The following OSBPL9 variants were observed in gnomAD, a reference collection of about 807,000 sequenced individuals.
OSBPL9 encodes oxysterol binding protein like 9.
In OSBPL9, 40 loss-of-function variants were observed where a neutral mutation model predicts 106.6. The observed-to-expected ratio is 0.38, with a 90% CI of 0.29 to 0.49. The LOEUF (loss-of-function observed/expected upper bound fraction) is 0.49. Ranked by LOEUF, OSBPL9 falls within the 20% of genes least tolerant of loss-of-function variation. The pLI is 0.97. For synonymous variants in OSBPL9, 269 were observed against 295.4 expected, an observed-to-expected ratio of 0.91 and a Z score of 0.92; for missense variants, 609 against 887.2, an observed-to-expected ratio of 0.69 and a Z score of 3.98.
At chr1:51,530,184 A>AAAAAAAAAC in the OSBPL9 span, among the ~76,000 whole-genome samples, 1 of 103,406 alleles carries the variant, frequency 9.7e-6, no homozygotes, top group Non-Finnish European at 2.0e-5. Context: ...AAAAAAAAAA[A>AAAAAAAAAC]AAAAAAAACA....
intron 3 of OSBPL9, among the ~76,000 whole-genome samples, chr1:51,683,793 A>C (rs79178173): frequency 9.2e-6 from 1 of 108,572 alleles, no homozygotes; most frequent in Non-Finnish European, 2.0e-5. Context: ...ACTCTGTCTC[A>C]AAAAAAAAAG....
At chr1:51,632,193 TATC>T (rs1472014185) in intron 1 of OSBPL9, among the ~76,000 whole-genome samples, 6 of 152,304 alleles carry the variant, frequency 3.9e-5, no homozygotes, top group Admixed American at 3.9e-4. Context: ...ATGTACTTAT[TATC>T]AAGTATTATG....
intron 4 of OSBPL9, 143 bp downstream of exon 4, chr1:51,714,222 G>A (rs1660627519): frequency 5.3e-6 from 3 of 570,742 alleles, no homozygotes. Flanking sequence ...TTCCTTTACA[G>A]TTATAGTAAA....
chr1:51,610,806 G>A (rs918663473), intron 2 of OSBPL9, among the ~76,000 whole-genome samples: 5 of 152,212 alleles, frequency 3.3e-5, no homozygotes, highest in African/African-American at 4.8e-5. Context: ...GATTGCCTGC[G>A]GCTTTGTGTT....
At chr1:51,668,957 T>C (rs946970755) in intron 2 of OSBPL9, among the ~76,000 whole-genome samples, 4 of 152,104 alleles carry the variant, frequency 2.6e-5, no homozygotes, top group African/African-American at 9.7e-5. Context: ...GAAGAAGGGG[T>C]TGGGACAGTG....
At chr1:51,518,881 G>A in the OSBPL9 span, among the ~76,000 whole-genome samples, 4 of 151,670 alleles carry the variant, frequency 2.6e-5, no homozygotes, top group Admixed American at 2.6e-4. Flanking sequence ...TGCCCCGCGG[G>A]AGCCGGCCCG....
chr1:51,718,742 G>A (rs530973843), intron 4 of OSBPL9, among the ~76,000 whole-genome samples: 10 of 152,302 alleles, frequency 6.6e-5, no homozygotes, highest in African/African-American at 2.2e-4. Context: ...AATCCTCACA[G>A]TAGACTGTTT....
At chr1:51,680,217 T>G (rs1571022364) in intron 3 of OSBPL9, among the ~76,000 whole-genome samples, 1 of 151,876 alleles carries the variant, frequency 6.6e-6, no homozygotes, top group African/African-American at 2.4e-5. Context: ...ATCTTGTCAC[T>G]GCACTCCAGC....
intron 3 of OSBPL9, among the ~76,000 whole-genome samples, chr1:51,693,000 T>A (rs1354866472): frequency 6.6e-6 from 1 of 152,116 alleles, no homozygotes; most frequent in Non-Finnish European, 1.5e-5. Context: ...GAAGATAGCA[T>A]CTGAAAAGGT....
intron 1 of OSBPL9, among the ~76,000 whole-genome samples, chr1:51,587,320 G>A (rs544877696): frequency 1.3e-5 from 2 of 152,076 alleles, no homozygotes; most frequent in African/African-American, 4.8e-5. Context: ...AGCTGAGATC[G>A]TGCCACTGCA....
chr1:51,645,931 A>G (rs545406765), intron 1 of OSBPL9, among the ~76,000 whole-genome samples: 110 of 152,242 alleles, frequency 7.2e-4, no homozygotes, highest in African/African-American at 2.6e-3. Flanking sequence ...TTATGTATGT[A>G]TGGGTTTATT....
At chr1:51,659,640 G>A (rs1333962241) in intron 2 of OSBPL9, among the ~76,000 whole-genome samples, 2 of 151,750 alleles carry the variant, frequency 1.3e-5, no homozygotes, top group East Asian at 3.8e-4. Flanking sequence ...TGGTTAGATT[G>A]GGAGGAAAAA....
the OSBPL9 span, among the ~76,000 whole-genome samples, chr1:51,528,683 G>A: frequency 6.6e-6 from 1 of 152,002 alleles, no homozygotes; most frequent in South Asian, 2.1e-4. Flanking sequence ...ACCAGCCTGG[G>A]CAACATGGTG....
At chr1:51,677,243 T>G (rs1651470036) in intron 3 of OSBPL9, among the ~76,000 whole-genome samples, 1 of 152,232 alleles carries the variant, frequency 6.6e-6, no homozygotes, top group South Asian at 2.1e-4. Flanking sequence ...ACTCTTAAGT[T>G]TGAGAACCAC....
chr1:51,742,406 T>C (rs1387285813), intron 4 of OSBPL9, among the ~76,000 whole-genome samples: 4 of 152,106 alleles, frequency 2.6e-5, no homozygotes, highest in African/African-American at 9.7e-5. Flanking sequence ...GGTAAAGGAC[T>C]ATATTCTTAG....
At chr1:51,736,965 T>C (rs1665845709) in intron 4 of OSBPL9, among the ~76,000 whole-genome samples, 1 of 152,100 alleles carries the variant, frequency 6.6e-6, no homozygotes, top group South Asian at 2.1e-4. Flanking sequence ...TGGTGTGCTG[T>C]AGTAGGTGTT....
the OSBPL9 span, among the ~76,000 whole-genome samples, chr1:51,544,835 T>C: frequency 2.8e-5 from 4 of 143,176 alleles, no homozygotes; most frequent in Admixed American, 7.2e-5. Context: ...TTAAGAGACA[T>C]GCTTTTTTTT....
chr1:51,624,591 T>A (rs1472351068), intron 1 of OSBPL9, among the ~76,000 whole-genome samples: 4 of 151,238 alleles, frequency 2.6e-5, no homozygotes, highest in Non-Finnish European at 5.9e-5. Context: ...TCTCAAAAAA[T>A]AAATAAATAA....
the OSBPL9 span, among the ~76,000 whole-genome samples, chr1:51,522,186 AC>A: frequency 6.6e-6 from 1 of 152,234 alleles, no homozygotes; most frequent in African/African-American, 2.4e-5. Context: ...AAATCAAGGA[AC>A]AAATATTTTA....
Sources: gnomAD v4.1 joint callset for allele counts (sites outside exome capture counted in the v4.1 genomes callset) on GRCh38, gnomAD v4.1.1 for gene constraint, MANE v1.5 for transcripts, NCBI Gene and HGNC (gene_info 2026-07-23, HGNC 2026-07-21) for gene names.